Variants in FSTL4 observed in about 807,000 individuals in gnomAD.
FSTL4 encodes the protein follistatin-related protein 4.
In FSTL4, 28 loss-of-function variants were observed where a neutral mutation model predicts 78.2. The ratio of observed to expected loss-of-function variants is 0.36; its 90% confidence interval spans 0.27 to 0.49. The LOEUF (loss-of-function observed/expected upper bound fraction) is 0.49. FSTL4 is among the 20% of genes least tolerant of loss of function. The probability of loss-of-function intolerance (pLI) is 0.98; values close to 1 mark genes in which losing one functional copy is unlikely to be tolerated. For missense variants in FSTL4, 922 were observed against 1,084.9 expected (o/e 0.85, Z 2.11); for synonymous variants, 422 against 440.5 (o/e 0.96, Z 0.53).
At chr5:133,801,295 C>T in the FSTL4 span, among the ~76,000 whole-genome samples, 4 of 152,116 alleles carry the variant, frequency 2.6e-5, no homozygotes, top group African/African-American at 7.2e-5. Context: ...AACTCAATGC[C>T]GAAGAACACG....
intron 13 of FSTL4, among the ~76,000 whole-genome samples, chr5:133,216,081 G>T (rs779379955): frequency 2.6e-5 from 4 of 152,200 alleles, no homozygotes; most frequent in Non-Finnish European, 5.9e-5. Flanking sequence ...ACCACACATT[G>T]TAAATGGTAT....
At chr5:133,740,850 G>A in the FSTL4 span, among the ~76,000 whole-genome samples, 2 of 152,158 alleles carry the variant, frequency 1.3e-5, no homozygotes, top group Non-Finnish European at 1.5e-5. Context: ...CAGCCTAGAA[G>A]GGTTAGGTAG....
chr5:133,252,340 T>C (rs559168091), intron 6 of FSTL4: 3 of 151,948 alleles, frequency 2.0e-5, no homozygotes, highest in African/African-American at 7.2e-5. Flanking sequence ...GGGCTTCCCC[T>C]GGGCCCTAGA....
chr5:133,282,393 T>C (rs1200297059), intron 6 of FSTL4, among the ~76,000 whole-genome samples: 3 of 152,128 alleles, frequency 2.0e-5, no homozygotes, highest in South Asian at 4.1e-4. Flanking sequence ...CTGTGGCCAT[T>C]TGGGGGAGAA....
intron 3 of FSTL4, among the ~76,000 whole-genome samples, chr5:133,447,818 G>T (rs1757298883): frequency 6.6e-6 from 1 of 152,228 alleles, no homozygotes; most frequent in Non-Finnish European, 1.5e-5. Context: ...GGGATTACAG[G>T]TGTGAACCAC....
chr5:133,616,175 A>G (rs1422540925), upstream of FSTL4, among the ~76,000 whole-genome samples: 3 of 152,202 alleles, frequency 2.0e-5, no homozygotes, highest in Admixed American at 2.0e-4. Context: ...GGCAAAAGGG[A>G]TGAAAGAGGG....
chr5:133,382,367 C>T (rs1225184744), intron 4 of FSTL4, among the ~76,000 whole-genome samples: 5 of 152,212 alleles, frequency 3.3e-5, no homozygotes, highest in Non-Finnish European at 7.3e-5. Flanking sequence ...CATAACCTAA[C>T]ACTCCTCTGA....
the FSTL4 span, among the ~76,000 whole-genome samples, chr5:133,746,564 T>C: frequency 6.6e-6 from 1 of 152,004 alleles, no homozygotes; most frequent in Admixed American, 6.5e-5. Flanking sequence ...AAAAAATAAT[T>C]TTTTCTCAGA....
At chr5:133,267,466 T>C (rs1057146513) in intron 6 of FSTL4, among the ~76,000 whole-genome samples, 1 of 152,134 alleles carries the variant, frequency 6.6e-6, no homozygotes, top group Non-Finnish European at 1.5e-5. Flanking sequence ...CATCTGCCCA[T>C]CACACAGATG....
chr5:133,775,333 G>A, the FSTL4 span, among the ~76,000 whole-genome samples: 1 of 152,198 alleles, frequency 6.6e-6, no homozygotes, highest in African/African-American at 2.4e-5. Context: ...CATCTGTAAA[G>A]CAGCTTCTGC....
At chr5:133,227,403 A>G (rs1751367694) in intron 8 of FSTL4, among the ~76,000 whole-genome samples, 1 of 152,170 alleles carries the variant, frequency 6.6e-6, no homozygotes, top group Non-Finnish European at 1.5e-5. Flanking sequence ...AAAGAAGGAA[A>G]CTTCCCTGCT....
the FSTL4 span, among the ~76,000 whole-genome samples, chr5:133,686,276 G>T: frequency 1.6e-4 from 25 of 152,352 alleles, no homozygotes; most frequent in African/African-American, 6.0e-4. Flanking sequence ...CTTAAGCAGT[G>T]TCATCAAACT....
At chr5:133,260,256 A>G (rs1302512830) in intron 6 of FSTL4, among the ~76,000 whole-genome samples, 1 of 151,838 alleles carries the variant, frequency 6.6e-6, no homozygotes, top group Non-Finnish European at 1.5e-5. Flanking sequence ...GCCCTCTCCA[A>G]ATGGGGGACT....
At chr5:133,721,883 G>A in the FSTL4 span, among the ~76,000 whole-genome samples, 4 of 152,068 alleles carry the variant, frequency 2.6e-5, no homozygotes, top group Admixed American at 2.6e-4. Flanking sequence ...CCCTTTCTCT[G>A]TCTCTTCTCC....
intron 6 of FSTL4, among the ~76,000 whole-genome samples, chr5:133,298,772 AC>A (rs1456351725): frequency 6.6e-6 from 1 of 152,236 alleles, no homozygotes; most frequent in Non-Finnish European, 1.5e-5. Context: ...GAACTGAGGG[AC>A]AGCCACTTGC....
the FSTL4 span, among the ~76,000 whole-genome samples, chr5:133,699,550 C>A: frequency 6.6e-6 from 1 of 152,048 alleles, no homozygotes; most frequent in Non-Finnish European, 1.5e-5. Context: ...GGGAGTAGTG[C>A]TAGTCTGTTT....
the FSTL4 span, among the ~76,000 whole-genome samples, chr5:133,807,179 TCTC>T: frequency 1.3e-5 from 2 of 152,168 alleles, no homozygotes; most frequent in African/African-American, 2.4e-5. Flanking sequence ...AATATACATC[TCTC>T]CTCTCTGTTC....
At chr5:133,649,528 A>G in the FSTL4 span, among the ~76,000 whole-genome samples, 2 of 152,170 alleles carry the variant, frequency 1.3e-5, no homozygotes, top group Non-Finnish European at 2.9e-5. Context: ...CTACAACATC[A>G]GCGTACTGGG....
chr5:133,744,357 C>T, the FSTL4 span, among the ~76,000 whole-genome samples: 1 of 152,194 alleles, frequency 6.6e-6, no homozygotes, highest in African/African-American at 2.4e-5. Context: ...CTAGTCCTTG[C>T]GTCAGGGATG....
Sources: allele counts gnomAD v4.1 joint callset (sites outside exome capture counted in the v4.1 genomes callset), GRCh38; gene constraint gnomAD v4.1.1; transcripts MANE v1.5; gene names NCBI Gene and HGNC (gene_info 2026-07-23, HGNC 2026-07-21).